Variants in DNAI7 observed in about 807,000 individuals in gnomAD.
DNAI7 encodes the protein dynein axonemal intermediate chain 7.
DNAI7 carries 78 observed loss-of-function variants against 86.6 expected under a neutral mutation model. That is an observed-to-expected ratio of 0.90 (90% confidence interval 0.75 to 1.09). DNAI7 has a LOEUF of 1.09. DNAI7 is among the 50% of genes least tolerant of loss of function. DNAI7 has a pLI of 0.00. For synonymous variants in DNAI7, 274 were observed against 273.0 expected (o/e 1.00, Z -0.04); for missense variants, 753 against 810.2 (o/e 0.93, Z 0.86).
chr12:25,144,403 T>G lies in DNAI7; in HGVS notation c.964A>C (p.Lys322Gln). The change falls in exon 9 of 16, where the codon AAA becomes CAA. Residue 322 changes from lysine (K) to glutamine (Q), a missense_variant. Physicochemically the swap from Lys to Gln is moderately conservative, Grantham distance 53. Coordinates refer to ENST00000395987, the MANE Select transcript of DNAI7 (RefSeq NM_018272.5). ...ATATCACCTTGTTCCTCCTCAACTT[T>G]TATTTCTTCCTCCTGAATTAAGTGA... ...GSHLIQEEEI[K>Q]VEEEQGDIEV... 6.2e-7 allele frequency: 1 copy of G among 1,613,940 alleles called. No homozygotes were observed. The highest frequency in any genetic ancestry group is 8.5e-7 in the Non-Finnish European group (1 of 1,179,928).
chr12:25,133,259 A>G (rs1247554371), intron 9 of DNAI7, among the ~76,000 whole-genome samples: 1 of 151,716 alleles, frequency 6.6e-6, no homozygotes, highest in African/African-American at 2.4e-5. Context: ...CATCCTGTCC[A>G]TTCTCGACTT....
At chr12:25,126,444 C>A (rs1284067148) in intron 9 of DNAI7, among the ~76,000 whole-genome samples, 5 of 152,080 alleles carry the variant, frequency 3.3e-5, no homozygotes, top group African/African-American at 1.2e-4. Flanking sequence ...AGATCAGGAC[C>A]TACCCAAGGC....
intron 2 of DNAI7, among the ~76,000 whole-genome samples, chr12:25,184,597 T>A (rs538765670): frequency 4.6e-5 from 7 of 152,342 alleles, no homozygotes; most frequent in African/African-American, 1.7e-4. Context: ...TTTATTATGG[T>A]TTTTGTTTTA....
intron 2 of DNAI7, among the ~76,000 whole-genome samples, chr12:25,188,243 C>T (rs11047882): frequency 0.67 from 102,506 of 152,010 alleles, 36,073 homozygotes; most frequent in East Asian, 0.89. Context: ...AAGTGAAAAA[C>T]AGAAGGTGCA....
intron 2 of DNAI7, among the ~76,000 whole-genome samples, chr12:25,185,428 T>C (rs775462435): frequency 2.0e-4 from 31 of 152,212 alleles, no homozygotes; most frequent in Non-Finnish European, 3.2e-4. Flanking sequence ...CACCAAAATC[T>C]TAAAGCTGCA....
At chr12:25,115,000 A>G in intron 12 of DNAI7, 130 bp from the exon 13 acceptor site, 2 of 692,280 alleles carry the variant, frequency 2.9e-6, no homozygotes, top group Non-Finnish European at 4.8e-6. Context: ...ACTCAAAAGA[A>G]GGCCAGCTTC....
intron 8 of DNAI7, 126 bp downstream of exon 8, chr12:25,146,875 T>C (rs181490427): frequency 1.7e-6 from 1 of 595,966 alleles, no homozygotes; most frequent in Admixed American, 3.2e-5. Context: ...CTTAGTGGGC[T>C]AACTTCCTGA....
At chr12:25,169,211 G>A (rs1481997973) in intron 2 of DNAI7, among the ~76,000 whole-genome samples, 23 of 152,084 alleles carry the variant, frequency 1.5e-4, no homozygotes, top group African/African-American at 4.8e-4. Flanking sequence ...CACCACAAAA[G>A]AAGTGAAAAT....
At chr12:25,167,900 A>T (rs928248752) in intron 2 of DNAI7, among the ~76,000 whole-genome samples, 2 of 152,106 alleles carry the variant, frequency 1.3e-5, no homozygotes. Flanking sequence ...CTCGTCAAAG[A>T]CCCATTGGAA....
chr12:25,135,842 G>A (rs10842481), intron 9 of DNAI7, among the ~76,000 whole-genome samples: 102,773 of 150,410 alleles, frequency 0.68, 39,113 homozygotes, highest in East Asian at 0.99. Flanking sequence ...TAGAGCAGCC[G>A]CAGCAACCCC....
At chr12:25,117,230 G>A (rs971359799) in intron 12 of DNAI7, among the ~76,000 whole-genome samples, 2 of 152,012 alleles carry the variant, frequency 1.3e-5, no homozygotes, top group Admixed American at 6.6e-5. Context: ...CACTGCGACC[G>A]GCCTACTGTT....
At chr12:25,115,597 T>C (rs1486132034) in intron 12 of DNAI7, among the ~76,000 whole-genome samples, 2 of 152,136 alleles carry the variant, frequency 1.3e-5, no homozygotes, top group Non-Finnish European at 2.9e-5. Context: ...TTATTAGTAA[T>C]TAGGGAAATA....
intron 6 of DNAI7, among the ~76,000 whole-genome samples, chr12:25,150,826 G>GA (rs1407749006): frequency 6.6e-6 from 1 of 151,956 alleles, no homozygotes; most frequent in African/African-American, 2.4e-5. Context: ...AGAGATAATA[G>GA]AAAAAACAAC....
intron 9 of DNAI7, among the ~76,000 whole-genome samples, chr12:25,125,318 G>A (rs968609117): frequency 2.0e-5 from 3 of 152,154 alleles, no homozygotes; most frequent in Non-Finnish European, 2.9e-5. Flanking sequence ...CATTCTGACT[G>A]GTGTGAGATG....
At chr12:25,122,238 G>A (rs1002253136) in intron 10 of DNAI7, among the ~76,000 whole-genome samples, 2 of 152,008 alleles carry the variant, frequency 1.3e-5, no homozygotes, top group Non-Finnish European at 2.9e-5. Flanking sequence ...TGGGAGAATC[G>A]CTTGAGCCTA....
At chr12:25,108,846 C>CAAGT in intron 15 of DNAI7, 23 bp from the exon 16 acceptor site, 1 of 404,584 alleles carries the variant, frequency 2.5e-6, no homozygotes, top group Non-Finnish European at 3.2e-6. Flanking sequence ...AAAATTCAAG[C>CAAGT]AAGTTGTTAA....
rs143414119 is a variant in DNAI7, at chr12:25,190,881, G to T, written c.4-250C>A. Among the ~76,000 whole-genome samples the T allele has an allele frequency of 9.7e-4, 147 of 151,972 alleles. 2 individuals carry two copies. The Middle Eastern group carries it at 0.01, about 11-fold the overall frequency. On this transcript the variant is annotated intron_variant, in intron 1 of 15. Transcript: ENST00000395987. ...AGTTCACCTACTGAACCATTTTTTT[G>T]TATGTAGATTTTACACTGTTTCTTA...
downstream of DNAI7, chr12:25,107,913 T>C (rs763765046): frequency 5.6e-6 from 9 of 1,614,140 alleles, no homozygotes; most frequent in Non-Finnish European, 7.6e-6. Flanking sequence ...TTGTACTGTT[T>C]GCAGCTTTGA....
chr12:25,147,587 G>C (rs1945038027), intron 7 of DNAI7, among the ~76,000 whole-genome samples: 1 of 152,128 alleles, frequency 6.6e-6, no homozygotes, highest in East Asian at 1.9e-4. Flanking sequence ...AGTCTGGGAG[G>C]TTGAGGCTGC....
Sources: allele counts gnomAD v4.1 joint callset (sites outside exome capture counted in the v4.1 genomes callset), GRCh38; gene constraint gnomAD v4.1.1; transcripts MANE v1.5; gene names NCBI Gene and HGNC (gene_info 2026-07-23, HGNC 2026-07-21).